The following EIF4B variants were observed in gnomAD, a reference collection of about 807,000 sequenced individuals.
EIF4B encodes eukaryotic translation initiation factor 4B.
Under a neutral mutation model 79.3 loss-of-function variants are expected in EIF4B, and 8 were observed. The ratio of observed to expected loss-of-function variants is 0.10; its 90% CI spans 0.06 to 0.18. The LOEUF is 0.18. EIF4B is among the 10% of genes least tolerant of loss of function. The probability of loss-of-function intolerance (pLI) is 1.00; values close to 1 mark genes in which losing one functional copy is unlikely to be tolerated. For synonymous variants in EIF4B, 238 were observed against 274.7 expected (o/e 0.87, Z 1.32); for missense variants, 515 against 792.4 (o/e 0.65, Z 4.20).
At chr12:53,034,741 T>TG in intron 10 of EIF4B, 32 bp downstream of exon 10, 1 of 1,612,974 alleles carries the variant, frequency 6.2e-7, no homozygotes, top group Admixed American at 1.7e-5. Flanking sequence ...ATCGTGTTAT[T>TG]GCCGTTTTCC....
intron 1 of EIF4B, among the ~76,000 whole-genome samples, chr12:53,007,323 C>T (rs879283284): frequency 4.0e-5 from 6 of 151,150 alleles, no homozygotes; most frequent in Non-Finnish European, 7.4e-5. Flanking sequence ...CAATTGGAGG[C>T]ATTTTTTACT....
At chr12:53,008,363 A>G (rs1431002608) in intron 1 of EIF4B, among the ~76,000 whole-genome samples, 2 of 152,166 alleles carry the variant, frequency 1.3e-5, no homozygotes, top group East Asian at 1.9e-4. Flanking sequence ...ACTTCAGTAA[A>G]TCTTTTTAGC....
chr12:53,029,021 G>C (rs1456190240), intron 8 of EIF4B, among the ~76,000 whole-genome samples: 5 of 152,028 alleles, frequency 3.3e-5, no homozygotes, highest in South Asian at 2.1e-4. Flanking sequence ...AGCTACTCGG[G>C]TGGCTGAGGC....
In EIF4B at chr12:53,018,898, T is replaced by C. The variant is rs1350979764; in HGVS notation, c.252T>C (p.Asn84=). ...PTAPRAAREP[N]IDRSRLPKSP... ...CTCCACGGGCTGCTCGGGAACCCAA[T>C]ATCGACCGGAGCCGTCTTCCCAAAT... Residue 84 remains asparagine (N), a synonymous_variant, in exon 3 of 15, where the codon AAT becomes AAC. Transcript: ENST00000262056. The C allele has an allele frequency of 2.5e-6, 4 of 1,613,914 alleles. No individual in the cohort carries two copies. Among genetic ancestry groups the C allele is most frequent in the South Asian group, 1.1e-5 (1 of 91,074 alleles).
chr12:53,023,578 A>ATTTTTTTTTT (rs1210893432), intron 6 of EIF4B, among the ~76,000 whole-genome samples: 1 of 109,226 alleles, frequency 9.2e-6, no homozygotes, highest in African/African-American at 3.7e-5. Flanking sequence ...AAAATGTAAA[A>ATTTTTTTTTT]TTTTTTTTTT....
At chr12:53,022,080 G>C (rs1326006716) in intron 5 of EIF4B, among the ~76,000 whole-genome samples, 2 of 152,204 alleles carry the variant, frequency 1.3e-5, no homozygotes, top group Non-Finnish European at 2.9e-5. Flanking sequence ...GAATCCAGGG[G>C]TTAATTCTAT....
chr12:53,013,149 T>G (rs1943092918), intron 1 of EIF4B, among the ~76,000 whole-genome samples: 1 of 152,218 alleles, frequency 6.6e-6, no homozygotes, highest in Non-Finnish European at 1.5e-5. Context: ...AAAGGGCAGA[T>G]TAATTCCACA....
intron 8 of EIF4B, among the ~76,000 whole-genome samples, chr12:53,031,075 C>A (rs1421567351): frequency 6.6e-6 from 1 of 152,136 alleles, no homozygotes; most frequent in Non-Finnish European, 1.5e-5. Flanking sequence ...ATTGCTGCAC[C>A]CACGTTACTG....
In EIF4B at chr12:53,016,388, A is replaced by G. The variant is rs1417309072; in HGVS notation, c.14-85A>G. On this transcript the variant is annotated intron_variant, in intron 1 of 14. Transcript: ENST00000262056. ...AGGAGCGTCCATGTTATTTCTTTCTAAATAATGTTTTACAATATTGCATTG... is the reference window on the plus strand; with the variant it reads ...AGGAGCGTCCATGTTATTTCTTTCTGAATAATGTTTTACAATATTGCATTG... 7.1e-6 allele frequency: 11 copies of G among 1,547,852 alleles called. No individual in the cohort carries two copies. The Admixed American group carries it at 1.1e-4, about 16-fold the overall frequency.
At chr12:53,039,366 CTTTCCTCTGATCCACATGTTTGTGTAA>C (rs761643824) in intron 13 of EIF4B, 23 bp downstream of exon 13, 1 of 1,523,386 alleles carries the variant, frequency 6.6e-7, no homozygotes, top group East Asian at 2.3e-5. Flanking sequence ...TCTTTCTCAT[CTTTCCTCTGATCCACATGTTTGTGTAA>C]TTAAGAAATT....
At position 53,028,032 on chromosome 12, in the gene EIF4B, G is replaced by A. The variant is rs1943369742; in HGVS notation, c.823G>A (p.Gly275Ser). ...DYDRGYDSRI[G>S]SGRRAFGSGY... Reference sequence around the variant, plus strand: ...ATTTACAGGCTATGATTCCCGGATAGGCAGTGGCAGAAGAGCATTTGGCAG... The same window carrying A: ...ATTTACAGGCTATGATTCCCGGATAAGCAGTGGCAGAAGAGCATTTGGCAG... The change falls in exon 8 of 15, where the codon GGC becomes AGC. Residue 275 changes from glycine to serine, a missense_variant. Physicochemically the swap from Gly to Ser is moderately conservative, Grantham distance 56. This residue lies in a region of EIF4B where 187 missense variants were observed against 256.5 expected (regional missense o/e 0.73). Coordinates refer to ENST00000262056, the MANE Select transcript of EIF4B (RefSeq NM_001417.7). 7.4e-6 allele frequency: 12 copies of A among 1,612,234 alleles called. No homozygotes were observed. Among genetic ancestry groups the A allele is most frequent in the Non-Finnish European group, 1.0e-5 (12 of 1,179,006 alleles).
intron 6 of EIF4B, among the ~76,000 whole-genome samples, chr12:53,023,578 A>ATTT (rs1210893432): frequency 0.029 from 3,143 of 109,142 alleles, 157 homozygotes; most frequent in East Asian, 0.17. Flanking sequence ...AAAATGTAAA[A>ATTT]TTTTTTTTTT....
intron 8 of EIF4B, among the ~76,000 whole-genome samples, chr12:53,030,746 A>G (rs1943429048): frequency 6.6e-6 from 1 of 152,150 alleles, no homozygotes; most frequent in Admixed American, 6.5e-5. Flanking sequence ...TCCTCAAGCA[A>G]GAAGCCTAAA....
intron 5 of EIF4B, 130 bp from the exon 6 acceptor site, chr12:53,022,363 T>C: frequency 7.6e-7 from 1 of 1,320,974 alleles, no homozygotes; most frequent in South Asian, 1.2e-5. Context: ...TTATGGGGCC[T>C]GAGGTAACTG....
At position 53,042,119 on chromosome 12, in the gene EIF4B, T is replaced by C. The variant is rs1160258701; in HGVS notation, c.*1896T>C. Reference sequence around the variant, plus strand: ...TGAAAATGATTTGTAATCTGTAGACTTATTACCTGGGAGATGTCTTGATGT... The same window carrying C: ...TGAAAATGATTTGTAATCTGTAGACCTATTACCTGGGAGATGTCTTGATGT... On this transcript the variant is annotated 3_prime_UTR_variant, in exon 15 of 15. Transcript: ENST00000262056. The C allele has an allele frequency of 6.6e-6, 1 of 152,652 alleles. No individual in the cohort carries two copies. Among genetic ancestry groups the C allele is most frequent in the African/African-American group, 2.4e-5 (1 of 41,452 alleles). The allele number at this position is 152,652 out of a possible 1,614,324, so 9.5% of individuals were successfully genotyped here. A position where few individuals can be genotyped will look rare whatever the true frequency, so the allele number is the denominator to read the frequency against.
intron 1 of EIF4B, among the ~76,000 whole-genome samples, chr12:53,008,867 T>C (rs1466785795): frequency 6.6e-6 from 1 of 152,064 alleles, no homozygotes; most frequent in Non-Finnish European, 1.5e-5. Context: ...AAACTCTGTC[T>C]CTACTAAAAA....
chr12:53,036,392 G>A (rs550395787), intron 10 of EIF4B, among the ~76,000 whole-genome samples: 17 of 152,168 alleles, frequency 1.1e-4, no homozygotes, highest in East Asian at 3.9e-4. Context: ...GATTACGGGC[G>A]TGAGCCGCCG....
chr12:53,020,195 A>G (rs972720696), intron 4 of EIF4B, among the ~76,000 whole-genome samples, 169 bp downstream of exon 4: 3 of 152,210 alleles, frequency 2.0e-5, no homozygotes, highest in Non-Finnish European at 4.4e-5. Flanking sequence ...ACATCTAGCA[A>G]GTCACACTTC....
chr12:53,025,395 C>A (rs1454433747), intron 6 of EIF4B: 1 of 368,656 alleles, frequency 2.7e-6, no homozygotes. Context: ...ACTTAGTTAA[C>A]CTGAATTAAA....
Sources: allele counts gnomAD v4.1 joint callset (sites outside exome capture counted in the v4.1 genomes callset), GRCh38; gene constraint gnomAD v4.1.1; regional missense constraint gnomAD v4.1.1; transcripts MANE v1.5; gene names NCBI Gene and HGNC (gene_info 2026-07-23, HGNC 2026-07-21).